Variants in CADM2 observed in about 807,000 individuals in gnomAD.
CADM2 encodes the protein cell adhesion molecule 2, also known as immunoglobulin superfamily member 4D.
A neutral mutation model predicts 49.8 loss-of-function variants in CADM2; 12 were observed. The observed-to-expected ratio is 0.24, with a 90% CI of 0.15 to 0.39. The LOEUF (loss-of-function observed/expected upper bound fraction) is 0.39, where lower values mean the gene tolerates loss of function less well. Among genes scored for constraint, CADM2 ranks in the 10% least tolerant of loss-of-function variants. The pLI is 1.00. For synonymous variants in CADM2, 214 were observed against 175.4 expected (o/e 1.22, Z -1.74); for missense variants, 378 against 492.3 (o/e 0.77, Z 2.20).
At chr3:85,334,912 C>G (rs1392811624) in intron 1 of CADM2, among the ~76,000 whole-genome samples, 1 of 151,032 alleles carries the variant, frequency 6.6e-6, no homozygotes, top group Non-Finnish European at 1.5e-5. Context: ...AAAATAGATT[C>G]TCATTATAAT....
At position 86,073,490 on chromosome 3, in the gene CADM2, G is replaced by T. The variant is rs891529550; in HGVS notation, c.*6707G>T. The T allele has an allele frequency of 6.6e-6, 1 of 151,958 alleles. No homozygotes were observed. Among genetic ancestry groups the T allele is most frequent in the African/African-American group, 2.4e-5 (1 of 41,420 alleles). 9.4% of individuals were successfully genotyped at this position (151,958 alleles called of 1,614,324 possible). A position where few individuals can be genotyped will look rare whatever the true frequency, so the allele number is the denominator to read the frequency against. On this transcript the variant is annotated 3_prime_UTR_variant, in exon 10 of 10. Coordinates refer to ENST00000383699, the MANE Select transcript of CADM2 (RefSeq NM_001167675.2). ...GTTGATATGCCTATATACTTACAAA[G>T]TATTCAATGTGTACTTAGCGGCGCT...
intron 1 of CADM2, among the ~76,000 whole-genome samples, chr3:85,122,824 T>C (rs958627193): frequency 6.6e-6 from 1 of 152,042 alleles, no homozygotes; most frequent in African/African-American, 2.4e-5. Flanking sequence ...TCTTCTTCCA[T>C]TGTATGGCTC....
intron 1 of CADM2, among the ~76,000 whole-genome samples, chr3:85,232,665 A>C (rs1421544321): frequency 6.6e-6 from 1 of 151,912 alleles, no homozygotes; most frequent in African/African-American, 2.4e-5. Context: ...TAAACATGTG[A>C]AAAAAAACAC....
intron 1 of CADM2, among the ~76,000 whole-genome samples, chr3:85,009,759 G>A (rs1381963360): frequency 2.0e-5 from 3 of 151,706 alleles, no homozygotes; most frequent in Admixed American, 1.3e-4. Context: ...CCAGTTACTC[G>A]GGAGGCTGAG....
At chr3:85,974,500 C>T (rs1007825002) in intron 8 of CADM2, among the ~76,000 whole-genome samples, 1 of 151,646 alleles carries the variant, frequency 6.6e-6, no homozygotes, top group Non-Finnish European at 1.5e-5. Flanking sequence ...GTTATGGCTA[C>T]CTCAACACAA....
chr3:85,067,222 C>T (rs1311154255), intron 1 of CADM2, among the ~76,000 whole-genome samples: 1 of 151,768 alleles, frequency 6.6e-6, no homozygotes, highest in East Asian at 1.9e-4. Flanking sequence ...TAGGAAAGTA[C>T]AACTAATATT....
chr3:85,406,742 A>G (rs775926346), intron 1 of CADM2, among the ~76,000 whole-genome samples: 30 of 151,658 alleles, frequency 2.0e-4, no homozygotes, highest in Non-Finnish European at 4.0e-4. Context: ...AAACTTGCCA[A>G]TTTCACCTCT....
chr3:85,330,192 T>C (rs1358342016), intron 1 of CADM2, among the ~76,000 whole-genome samples: 3 of 152,156 alleles, frequency 2.0e-5, no homozygotes, highest in Non-Finnish European at 4.4e-5. Context: ...CTAGGAATAT[T>C]TGGGCCATTA....
rs563139367 is a variant in CADM2, at chr3:85,544,482, C to T, written c.62-182040C>T. Among the ~76,000 whole-genome samples, 24 of 152,146 alleles carry T rather than the reference C, an allele frequency of 1.6e-4. No individual in the cohort carries two copies. In the South Asian group the frequency reaches 4.8e-3, roughly 30 times the overall value. On this transcript the variant is annotated intron_variant, in intron 1 of 9. Transcript: ENST00000383699. ...GTCCCAGCGACTGGGGAGGCTGAGGCGGGTGAATGGCGTGAACCCGGGAGG... is the reference window on the plus strand; with the variant it reads ...GTCCCAGCGACTGGGGAGGCTGAGGTGGGTGAATGGCGTGAACCCGGGAGG...
At chr3:85,361,000 A>G (rs909805853) in intron 1 of CADM2, among the ~76,000 whole-genome samples, 8 of 152,168 alleles carry the variant, frequency 5.3e-5, no homozygotes, top group Non-Finnish European at 1.5e-5. Flanking sequence ...CATACAGTCT[A>G]TCATTTACAA....
chr3:85,512,897 C>T (rs1559879075), intron 1 of CADM2, among the ~76,000 whole-genome samples: 1 of 151,904 alleles, frequency 6.6e-6, no homozygotes, highest in Non-Finnish European at 1.5e-5. Context: ...TATGGATTGT[C>T]TGTAAAATTC....
intron 3 of CADM2, among the ~76,000 whole-genome samples, chr3:85,868,557 T>C (rs73847409): frequency 0.05 from 7,677 of 152,134 alleles, 555 homozygotes; most frequent in African/African-American, 0.16. Context: ...CAATATCATG[T>C]GGAAGATAAA....
intron 8 of CADM2, among the ~76,000 whole-genome samples, chr3:86,052,658 G>C (rs9824909): frequency 0.2 from 29,796 of 151,864 alleles, 3,076 homozygotes; most frequent in East Asian, 0.27. Flanking sequence ...AGGCATATTT[G>C]CCACTCATTA....
intron 7 of CADM2, among the ~76,000 whole-genome samples, chr3:85,937,918 C>T (rs1306932002): frequency 6.6e-6 from 1 of 151,880 alleles, no homozygotes; most frequent in Non-Finnish European, 1.5e-5. Context: ...TTCATAAATC[C>T]CAGTGTTATA....
chr3:85,253,404 T>C (rs2042817424), intron 1 of CADM2, among the ~76,000 whole-genome samples: 1 of 152,068 alleles, frequency 6.6e-6, no homozygotes, highest in Non-Finnish European at 1.5e-5. Flanking sequence ...GATCACTCTT[T>C]TTTTCCCTCT....
intron 1 of CADM2, among the ~76,000 whole-genome samples, chr3:85,670,638 G>A (rs531444166): frequency 1.3e-5 from 2 of 152,246 alleles, no homozygotes; most frequent in South Asian, 4.1e-4. Flanking sequence ...AGCAGTAAGA[G>A]CTAAACTTGA....
At chr3:85,663,677 C>T (rs774948510) in intron 1 of CADM2, among the ~76,000 whole-genome samples, 12 of 151,994 alleles carry the variant, frequency 7.9e-5, no homozygotes, top group Non-Finnish European at 1.0e-4. Flanking sequence ...TCTTTTTCCT[C>T]CATCAGATGT....
At chr3:85,245,599 G>C (rs145822674) in intron 1 of CADM2, among the ~76,000 whole-genome samples, 1 of 151,808 alleles carries the variant, frequency 6.6e-6, no homozygotes, top group Non-Finnish European at 1.5e-5. Flanking sequence ...CCTTACATAC[G>C]TGTGCACCTC....
At position 86,006,200 on chromosome 3, in the gene CADM2, AC is replaced by A. The variant is rs543137674; in HGVS notation, c.970+44556del. ...ACAAAGGACCAGGAATTATTTTACT[AC>A]CCAATTTTTGCTAATTTTTATAAGC... On this transcript the variant is annotated intron_variant, in intron 8 of 9. Transcript: ENST00000383699. 8.5e-5 allele frequency among the ~76,000 whole-genome samples: 13 copies of A among 152,252 alleles called. 1 individual carries two copies. The South Asian group carries it at 2.7e-3, about 32-fold the overall frequency.
Sources: allele counts gnomAD v4.1 joint callset (sites outside exome capture counted in the v4.1 genomes callset), GRCh38; gene constraint gnomAD v4.1.1; transcripts MANE v1.5; gene names NCBI Gene and HGNC (gene_info 2026-07-23, HGNC 2026-07-21).